Variants in KCNK13 observed in about 807,000 individuals in gnomAD.
KCNK13 encodes the protein potassium two pore domain channel subfamily K member 13, also known as potassium channel subfamily K member 13.
In KCNK13, 12 loss-of-function variants were observed where a neutral mutation model predicts 23.4. The ratio of observed to expected loss-of-function variants is 0.51; its 90% CI spans 0.33 to 0.83. The LOEUF is 0.83. Ranked by LOEUF, KCNK13 falls within the 40% of genes least tolerant of loss-of-function variation. The probability of loss-of-function intolerance (pLI) is 0.02; values close to 1 mark genes in which losing one functional copy is unlikely to be tolerated. For synonymous variants in KCNK13, 231 were observed against 229.5 expected, an observed-to-expected ratio of 1.01 and a Z score of -0.06; for missense variants, 463 against 556.3, an observed-to-expected ratio of 0.83 and a Z score of 1.69.
chr14:90,095,230 G>C (rs1708550597), intron 1 of KCNK13, among the ~76,000 whole-genome samples: 1 of 152,160 alleles, frequency 6.6e-6, no homozygotes, highest in Non-Finnish European at 1.5e-5. Context: ...GATATCTAGA[G>C]TCCTTTCTTT....
rs150934566 is a variant in KCNK13, at chr14:90,064,885, T to C, written c.334+2346T>C. On this transcript the variant is annotated intron_variant, in intron 1 of 1. Coordinates refer to ENST00000282146, the MANE Select transcript of KCNK13 (RefSeq NM_022054.4). The stretch of plus-strand genomic sequence containing the variant: ...TTAGGCACATACTGTATGATTATTA[T>C]GTGAATGTGCAATGCAGCTCATTGC... Among the ~76,000 whole-genome samples the C allele has an allele frequency of 2.2e-3, 339 of 152,356 alleles. 3 individuals are homozygous for C. The highest frequency in any genetic ancestry group is 7.8e-3 in the African/African-American group (325 of 41,580).
intron 1 of KCNK13, among the ~76,000 whole-genome samples, chr14:90,120,574 C>T (rs1889726997): frequency 6.6e-6 from 1 of 152,162 alleles, no homozygotes; most frequent in Non-Finnish European, 1.5e-5. Flanking sequence ...CTTATAAAAC[C>T]ATCAGATCTT....
intron 1 of KCNK13, among the ~76,000 whole-genome samples, chr14:90,180,204 A>T (rs1890469704): frequency 6.6e-6 from 1 of 152,234 alleles, no homozygotes; most frequent in South Asian, 2.1e-4. Flanking sequence ...TGTAACTAGT[A>T]GACTAATAAT....
chr14:90,139,837 C>G (rs938676604), intron 1 of KCNK13, among the ~76,000 whole-genome samples: 3 of 152,174 alleles, frequency 2.0e-5, no homozygotes, highest in Non-Finnish European at 2.9e-5. Context: ...TGGCACACGC[C>G]TGTAGTCCCA....
chr14:90,098,075 G>T (rs1171149900), intron 1 of KCNK13, among the ~76,000 whole-genome samples: 1 of 152,130 alleles, frequency 6.6e-6, no homozygotes, highest in Non-Finnish European at 1.5e-5. Flanking sequence ...TGCATCTCAT[G>T]CATCTGCCTC....
At chr14:90,178,348 A>G (rs1413669661) in intron 1 of KCNK13, among the ~76,000 whole-genome samples, 2 of 151,502 alleles carry the variant, frequency 1.3e-5, no homozygotes, top group East Asian at 1.9e-4. Flanking sequence ...CTAGAGTGCA[A>G]TGGCGCAATC....
At chr14:90,067,818 C>T (rs749824968) in intron 1 of KCNK13, among the ~76,000 whole-genome samples, 2 of 152,078 alleles carry the variant, frequency 1.3e-5, no homozygotes, top group African/African-American at 4.8e-5. Context: ...GAGCTTGTCC[C>T]CGTGTTTGCT....
intron 1 of KCNK13, among the ~76,000 whole-genome samples, chr14:90,113,898 A>AC (rs977634925): frequency 6.6e-6 from 1 of 152,000 alleles, no homozygotes; most frequent in Non-Finnish European, 1.5e-5. Context: ...GCGCCACTGA[A>AC]CTCCAGCCTG....
In KCNK13 at chr14:90,071,844, G is replaced by T. The variant is rs371398592; in HGVS notation, c.334+9305G>T. On this transcript the variant is annotated intron_variant, in intron 1 of 1. Coordinates refer to ENST00000282146, the MANE Select transcript of KCNK13 (RefSeq NM_022054.4). ...ACCTGGAAGGCGGAAGTTGCAGTGA[G>T]CCGAGATCGCACCACTGCACTCCAG... is the stretch of plus-strand genomic sequence containing the variant. Among the ~76,000 whole-genome samples the T allele has an allele frequency of 5.6e-4, 85 of 151,968 alleles. 3 individuals carry two copies. In the South Asian group the frequency reaches 0.017, roughly 30 times the overall value.
chr14:90,181,489 C>G (rs375162531), intron 1 of KCNK13, among the ~76,000 whole-genome samples: 1 of 152,156 alleles, frequency 6.6e-6, no homozygotes, highest in Non-Finnish European at 1.5e-5. Context: ...ACTCACCTCT[C>G]GCAAAGACAC....
At chr14:90,082,740 G>A (rs1332313131) in intron 1 of KCNK13, among the ~76,000 whole-genome samples, 3 of 152,138 alleles carry the variant, frequency 2.0e-5, no homozygotes, top group Non-Finnish European at 4.4e-5. Flanking sequence ...TGTCGAATAA[G>A]TTTATAAAAA....
At chr14:90,105,861 G>A (rs922316537) in intron 1 of KCNK13, among the ~76,000 whole-genome samples, 2 of 152,146 alleles carry the variant, frequency 1.3e-5, no homozygotes, top group African/African-American at 4.8e-5. Flanking sequence ...CTAGTAAGAC[G>A]GCATGATGTT....
intron 1 of KCNK13, among the ~76,000 whole-genome samples, chr14:90,113,946 G>A (rs867915268): frequency 2.5e-4 from 37 of 149,464 alleles, no homozygotes; most frequent in African/African-American, 8.4e-4. Flanking sequence ...AGAAGAAGAA[G>A]AAAAAAAAAG....
intron 1 of KCNK13, among the ~76,000 whole-genome samples, chr14:90,112,437 C>T (rs1180395831): frequency 6.6e-6 from 1 of 152,158 alleles, no homozygotes; most frequent in Non-Finnish European, 1.5e-5. Context: ...TGAGAAGAGC[C>T]ATTCAGTTCT....
chr14:90,064,564 C>T (rs918369279), intron 1 of KCNK13, among the ~76,000 whole-genome samples: 3 of 152,126 alleles, frequency 2.0e-5, no homozygotes, highest in Admixed American at 6.5e-5. Flanking sequence ...TTAACTATTC[C>T]GAGCCCCATC....
intron 1 of KCNK13, among the ~76,000 whole-genome samples, chr14:90,105,563 G>A (rs1036707963): frequency 2.6e-5 from 4 of 152,214 alleles, no homozygotes; most frequent in African/African-American, 4.8e-5. Flanking sequence ...GATTGTGGTC[G>A]TTGAGGGTAC....
intron 1 of KCNK13, among the ~76,000 whole-genome samples, chr14:90,080,657 A>C (rs781622369): frequency 2.3e-4 from 35 of 152,230 alleles, no homozygotes; most frequent in Non-Finnish European, 4.3e-4. Context: ...AACAGTAATA[A>C]AACTCAGTAT....
At chr14:90,122,563 C>T (rs1231041758) in intron 1 of KCNK13, among the ~76,000 whole-genome samples, 1 of 152,016 alleles carries the variant, frequency 6.6e-6, no homozygotes, top group Non-Finnish European at 1.5e-5. Flanking sequence ...AGGGTAGCCT[C>T]AAACTCCTGA....
At chr14:90,090,065 C>A (rs187487088) in intron 1 of KCNK13, among the ~76,000 whole-genome samples, 45 of 152,054 alleles carry the variant, frequency 3.0e-4, no homozygotes, top group Admixed American at 2.7e-3. Flanking sequence ...CTACTGGGGG[C>A]CCCTACTGGG....
Sources: gnomAD v4.1 joint callset for allele counts (sites outside exome capture counted in the v4.1 genomes callset) on GRCh38, gnomAD v4.1.1 for gene constraint, MANE v1.5 for transcripts, NCBI Gene and HGNC (gene_info 2026-07-23, HGNC 2026-07-21) for gene names.